ASMTL: variants seen among roughly 807,000 people sequenced by gnomAD.
ASMTL encodes probable bifunctional dTTP/UTP pyrophosphatase/methyltransferase protein.
A neutral mutation model predicts 60.3 loss-of-function variants in ASMTL; 57 were observed. That is an observed-to-expected ratio of 0.95 (90% CI 0.76 to 1.18). The LOEUF (loss-of-function observed/expected upper bound fraction) is 1.18, where lower values mean the gene tolerates loss of function less well. Ranked by LOEUF, ASMTL falls within the 50% of genes most tolerant of loss-of-function variation. The pLI, the probability that ASMTL is intolerant of heterozygous loss-of-function variation, is 0.00. For synonymous variants in ASMTL, 419 were observed against 373.0 expected (o/e 1.12, Z -1.42); for missense variants, 981 against 852.6 (o/e 1.15, Z -1.88).
At chrX:1,413,152 C>A (rs1461576751) in intron 11 of ASMTL, 1 of 399,780 alleles carries the variant, frequency 2.5e-6, no homozygotes, top group Non-Finnish European at 4.7e-6. Context: ...TGTCTGAGCT[C>A]AGGAGTTCGA....
Position 1,410,910 on chromosome X carries a change from G to A in ASMTL, c.1645+1822C>T, listed in dbSNP as rs767888581. The stretch of plus-strand genomic sequence containing the variant: ...GTCTCAAAAAATATAATAGAGCCGG[G>A]CGAGGTGGCTCACGCCTGTAATCCC... On this transcript the variant is annotated intron_variant, in intron 12 of 12. Coordinates refer to ENST00000381317, the MANE Select transcript of ASMTL (RefSeq NM_004192.4). Among the ~76,000 whole-genome samples, 11 of 151,798 alleles carry A rather than the reference G, an allele frequency of 7.2e-5. No individual in the cohort carries two copies. In the South Asian group the frequency reaches 2.3e-3, roughly 32 times the overall value.
In ASMTL at chrX:1,427,880, T is replaced by C; in HGVS notation, c.751A>G (p.Arg251Gly). ...TTCTCATCGCGGCTGCCCGCGTCCC[T>C]CTGAGTGGGCTCCGAGCCGCCCCCC... ...VEGGGSEPTQ[R>G]DAGSRDEKAE... The change falls in exon 7 of 13, where the codon AGG becomes GGG. Residue 251 changes from arginine (R) to glycine (G), a missense_variant. Physicochemically the swap from Arg to Gly is moderately radical, Grantham distance 125 (BLOSUM62 -2). Coordinates refer to ENST00000381317, the MANE Select transcript of ASMTL (RefSeq NM_004192.4). 1 of 1,613,246 alleles carries C rather than the reference T, an allele frequency of 6.2e-7. No homozygotes were observed. Among genetic ancestry groups the C allele is most frequent in the Non-Finnish European group, 8.5e-7 (1 of 1,179,826 alleles).
At chrX:1,438,920 C>T (rs2091040597) in intron 3 of ASMTL, 177 bp downstream of exon 3, 1 of 220,334 alleles carries the variant, frequency 4.5e-6, no homozygotes, top group Non-Finnish European at 7.7e-6. Flanking sequence ...AGCCACGGCG[C>T]CTGGCCCCTT....
intron 11 of ASMTL, among the ~76,000 whole-genome samples, chrX:1,415,612 C>A (rs1171682234): frequency 4.0e-5 from 6 of 151,884 alleles, no homozygotes; most frequent in Non-Finnish European, 8.8e-5. Context: ...ATTACAGGCG[C>A]CCGCCACCAC....
At chrX:1,449,111 T>A (rs2091294044) in intron 1 of ASMTL, among the ~76,000 whole-genome samples, 1 of 152,138 alleles carries the variant, frequency 6.6e-6, no homozygotes, top group African/African-American at 2.4e-5. Context: ...GAGCCTGCGA[T>A]AAGATTCCCC....
Position 1,435,219 on chromosome X carries a change from C to T in ASMTL, c.339-136G>A, listed in dbSNP as rs2090928865. 4 of 932,136 alleles carry T rather than the reference C, an allele frequency of 4.3e-6. No individual in the cohort carries two copies. In the East Asian group the frequency reaches 1.0e-4, roughly 24 times the overall value. The allele number at this position is 932,136 out of a possible 1,614,324, so 57.7% of individuals were successfully genotyped here. A position where few individuals can be genotyped will look rare whatever the true frequency, so the allele number is the denominator to read the frequency against. ...TCCCCAGCATCTTCTCCCCGATCGTCCCGCTGTGGGGTCTCCAGGGAAACC... is the reference window on the plus strand; with the variant it reads ...TCCCCAGCATCTTCTCCCCGATCGTTCCGCTGTGGGGTCTCCAGGGAAACC... On this transcript the variant is annotated intron_variant, in intron 4 of 12. Coordinates refer to ENST00000381317, the MANE Select transcript of ASMTL (RefSeq NM_004192.4).
chrX:1,430,600 A>G (rs763565396), intron 6 of ASMTL, among the ~76,000 whole-genome samples: 13 of 151,768 alleles, frequency 8.6e-5, no homozygotes, highest in Non-Finnish European at 1.8e-4. Context: ...GTGAGACCCC[A>G]TTGCTACAAA....
rs778099520 is a variant in ASMTL, at chrX:1,412,841, C to G, written c.1536G>C (p.Arg512Ser). ...QIHFAAGDFF[R>S]DPLPSAELYV... ...ACAGCTCAGCGCTGGGGAGGGGGTCCCTGAAAAAGTCACCTGGTTTAAAGA... is the reference window on the plus strand; with the variant it reads ...ACAGCTCAGCGCTGGGGAGGGGGTCGCTGAAAAAGTCACCTGGTTTAAAGA... Residue 512 changes from arginine to serine, a missense_variant, in exon 12 of 13, where the codon AGG becomes AGC. Transcript: ENST00000381317. 1 of 1,613,796 alleles carries G rather than the reference C, an allele frequency of 6.2e-7. No homozygotes were observed. The highest frequency in any genetic ancestry group is 8.5e-7 in the Non-Finnish European group (1 of 1,179,798).
intron 1 of ASMTL, among the ~76,000 whole-genome samples, chrX:1,451,390 T>C (rs2091379400): frequency 1.4e-5 from 2 of 143,632 alleles, no homozygotes; most frequent in Non-Finnish European, 3.0e-5. Flanking sequence ...CCCCCATCCC[T>C]AGGGGGTCCT....
chrX:1,450,506 T>G (rs1464720191), intron 1 of ASMTL, among the ~76,000 whole-genome samples: 1 of 135,816 alleles, frequency 7.4e-6, no homozygotes, highest in Non-Finnish European at 1.6e-5. Flanking sequence ...CCCTTATCCC[T>G]AGGAGGTCCT....
intron 2 of ASMTL, 171 bp from the exon 3 acceptor site, chrX:1,439,315 C>CA (rs2091050119): frequency 6.0e-6 from 1 of 165,734 alleles, no homozygotes; most frequent in Non-Finnish European, 1.2e-5. Flanking sequence ...TGGGTCCCGC[C>CA]GGTGGTCGCC....
At chrX:1,419,633 G>T (rs2090419751) in intron 9 of ASMTL, among the ~76,000 whole-genome samples, 1 of 152,086 alleles carries the variant, frequency 6.6e-6, no homozygotes, top group Non-Finnish European at 1.5e-5. Flanking sequence ...GAGGAGCCCA[G>T]GCTCATCCTG....
At chrX:1,405,416 A>T (rs1164739196) in intron 12 of ASMTL, among the ~76,000 whole-genome samples, 1 of 150,934 alleles carries the variant, frequency 6.6e-6, no homozygotes, top group Admixed American at 6.6e-5. Context: ...GTATAGATGG[A>T]TGCATGGATG....
At chrX:1,414,952 T>A (rs2090179881) in intron 11 of ASMTL, among the ~76,000 whole-genome samples, 1 of 152,050 alleles carries the variant, frequency 6.6e-6, no homozygotes, top group Non-Finnish European at 1.5e-5. Flanking sequence ...ATTTTTTTAT[T>A]TTTTTTGAGA....
chrX:1,432,140 C>T (rs2090807977), intron 6 of ASMTL, 129 bp downstream of exon 6: 1 of 733,056 alleles, frequency 1.4e-6, no homozygotes. Context: ...CCGGGCGGCT[C>T]TCCCTGTGCC....
Position 1,403,361 on chromosome X carries a change from A to G in ASMTL, c.1774T>C (p.Cys592Arg). The G allele has an allele frequency of 1.2e-6, 2 of 1,613,414 alleles. No homozygotes were observed. The highest frequency in any genetic ancestry group is 1.7e-6 in the Non-Finnish European group (2 of 1,179,858). ...TGGAAGCCGTGCAGCTCCAGCAAGCACTGATACTCGCCCAGGCTCCGCTCC... is the reference window on the plus strand; with the variant it reads ...TGGAAGCCGTGCAGCTCCAGCAAGCGCTGATACTCGCCCAGGCTCCGCTCC... Reference protein sequence around the residue: ...GKERSLGEYQCLLELHGFHQV... With the variant: ...GKERSLGEYQRLLELHGFHQV... The change falls in exon 13 of 13, where the codon TGC (cysteine) becomes CGC (arginine). Residue 592 changes from cysteine to arginine, a missense_variant. Transcript: ENST00000381317.
intron 1 of ASMTL, among the ~76,000 whole-genome samples, chrX:1,445,252 G>C (rs1351303434): frequency 6.6e-6 from 1 of 152,034 alleles, no homozygotes; most frequent in Non-Finnish European, 1.5e-5. Flanking sequence ...AGGATTCTGG[G>C]TCTCTGTCTT....
chrX:1,451,708 C>G (rs1488335783), intron 1 of ASMTL, among the ~76,000 whole-genome samples: 1 of 140,042 alleles, frequency 7.1e-6, no homozygotes, highest in Non-Finnish European at 1.6e-5. Flanking sequence ...TCCCCCATCC[C>G]TAGGGGTCCC....
chrX:1,413,131 G>A, intron 11 of ASMTL: 2 of 452,104 alleles, frequency 4.4e-6, no homozygotes, highest in Non-Finnish European at 8.1e-6. Context: ...GGGAGCCTGA[G>A]GTGGGCAGAT....
Sources: gnomAD v4.1 joint callset for allele counts (sites outside exome capture counted in the v4.1 genomes callset) on GRCh38, gnomAD v4.1.1 for gene constraint, MANE v1.5 for transcripts, NCBI Gene and HGNC (gene_info 2026-07-23, HGNC 2026-07-21) for gene names.